TMCO4: variants seen among roughly 807,000 people sequenced by gnomAD.
TMCO4 encodes the protein transmembrane and coiled-coil domains 4.
A neutral mutation model predicts 64.7 loss-of-function variants in TMCO4; 58 were observed. That is an observed-to-expected ratio of 0.90 (90% CI 0.73 to 1.12). The LOEUF (loss-of-function observed/expected upper bound fraction) is 1.12, where lower values mean the gene tolerates loss of function less well. Ranked by LOEUF, TMCO4 falls within the 50% of genes most tolerant of loss-of-function variation. The pLI, the probability that TMCO4 is intolerant of heterozygous loss-of-function variation, is 0.00. For synonymous variants in TMCO4, 325 were observed against 346.1 expected, an observed-to-expected ratio of 0.94 and a Z score of 0.68; for missense variants, 780 against 825.9, an observed-to-expected ratio of 0.94 and a Z score of 0.68.
intron 14 of TMCO4, among the ~76,000 whole-genome samples, chr1:19,699,827 C>T (rs956680970): frequency 1.3e-5 from 2 of 152,222 alleles, no homozygotes; most frequent in Non-Finnish European, 2.9e-5. Flanking sequence ...CACATGTACA[C>T]ATGGACAATC....
chr1:19,733,604 G>T (rs2095439772), intron 13 of TMCO4, among the ~76,000 whole-genome samples: 2 of 152,158 alleles, frequency 1.3e-5, no homozygotes, highest in South Asian at 4.1e-4. Context: ...CAAAATAGGG[G>T]TGCCTGATCC....
Position 19,700,812 on chromosome 1 carries a change from A to G in TMCO4, c.1338T>C (p.Pro446=), listed in dbSNP as rs2095266896. The G allele has an allele frequency of 6.2e-7, 1 of 1,614,236 alleles. No homozygotes were observed. The highest frequency in any genetic ancestry group is 2.2e-5 in the East Asian group (1 of 44,886). The change falls in exon 14 of 16, where the codon CCT becomes CCC. Residue 446 remains proline, a synonymous_variant. Transcript: ENST00000294543. ...TCCTCCCGGACACCACCTTCCGGAA[A>G]GGCTCCCAATGCTTGGCTTCTCCCT... The part of the protein sequence containing the change: ...PVEGEAKHWE[P]FRKVVSGRII...
At chr1:19,730,554 G>A (rs923461910) in intron 13 of TMCO4, among the ~76,000 whole-genome samples, 1 of 152,228 alleles carries the variant, frequency 6.6e-6, no homozygotes, top group Non-Finnish European at 1.5e-5. Context: ...TGCCCTCAAG[G>A]GGCTTGCAGT....
intron 14 of TMCO4, among the ~76,000 whole-genome samples, chr1:19,698,725 TTC>T (rs2100599902): frequency 6.6e-6 from 1 of 152,346 alleles, no homozygotes; most frequent in African/African-American, 2.4e-5. Context: ...TTCTTCTTCC[TTC>T]TCTTTCTCCT....
intron 14 of TMCO4, 28 bp from the exon 15 acceptor site, chr1:19,694,579 C>T: frequency 1.9e-6 from 3 of 1,605,282 alleles, no homozygotes; most frequent in African/African-American, 1.3e-5. Context: ...AGCATGTGAA[C>T]ATTAGCACCA....
At chr1:19,771,721 A>G (rs2042991951) in intron 4 of TMCO4, among the ~76,000 whole-genome samples, 1 of 152,078 alleles carries the variant, frequency 6.6e-6, no homozygotes, top group Non-Finnish European at 1.5e-5. Flanking sequence ...CAGTCGTGCA[A>G]TCTTGGCTCA....
At chr1:19,746,816 C>T (rs555759490) in intron 8 of TMCO4, among the ~76,000 whole-genome samples, 3 of 148,802 alleles carry the variant, frequency 2.0e-5, no homozygotes, top group Non-Finnish European at 3.0e-5. Context: ...CCCAGCTACT[C>T]GGGAGGCTGA....
rs750642876 is a variant in TMCO4, at chr1:19,747,274, G to A, written c.516-14C>T. ...GCCTCGGCCATTCTGAGGGAAAAGA[G>A]GCTGGTCTTTAGGGCCAGCTGTGCC... On this transcript the variant is annotated splice_polypyrimidine_tract_variant and intron_variant, in intron 7 of 15. Transcript: ENST00000294543. 3 of 1,610,858 alleles carry A rather than the reference G, an allele frequency of 1.9e-6. No individual in the cohort carries two copies. The highest frequency in any genetic ancestry group is 2.5e-6 in the Non-Finnish European group (3 of 1,178,728).
At chr1:19,725,103 C>T (rs1006908936) in intron 13 of TMCO4, among the ~76,000 whole-genome samples, 7 of 152,158 alleles carry the variant, frequency 4.6e-5, no homozygotes, top group African/African-American at 1.7e-4. Context: ...CTTGAAGACA[C>T]TAGGAAAAGT....
At chr1:19,755,600 T>G in intron 7 of TMCO4, 34 bp downstream of exon 7, 1 of 1,612,370 alleles carries the variant, frequency 6.2e-7, no homozygotes, top group South Asian at 1.1e-5. Context: ...GTGGAAATCC[T>G]TGGATCCTGA....
chr1:19,683,538 C>G, intron 15 of TMCO4, 94 bp from the exon 16 acceptor site: 1 of 1,434,112 alleles, frequency 7.0e-7, no homozygotes, highest in Non-Finnish European at 9.4e-7. Context: ...CAGCCTTGCC[C>G]TGAGCATCCA....
At chr1:19,712,802 G>C (rs959464710) in intron 13 of TMCO4, among the ~76,000 whole-genome samples, 1 of 152,176 alleles carries the variant, frequency 6.6e-6, no homozygotes, top group Non-Finnish European at 1.5e-5. Flanking sequence ...ATTGGCGTGT[G>C]ACAAACCATC....
chr1:19,696,892 A>C (rs1007795376), intron 14 of TMCO4, among the ~76,000 whole-genome samples: 2 of 152,236 alleles, frequency 1.3e-5, no homozygotes, highest in African/African-American at 4.8e-5. Context: ...ATGGGCCTTC[A>C]CTGGCATTCA....
intron 6 of TMCO4, among the ~76,000 whole-genome samples, chr1:19,767,777 C>T (rs1400156238): frequency 2.0e-5 from 3 of 152,148 alleles, no homozygotes. Context: ...CCTCTCTGGG[C>T]CTCAGTCTCT....
intron 15 of TMCO4, among the ~76,000 whole-genome samples, chr1:19,687,587 G>A (rs951429148): frequency 6.6e-6 from 1 of 152,184 alleles, no homozygotes; most frequent in African/African-American, 2.4e-5. Flanking sequence ...CCATTTGGGA[G>A]CCCAAGATGG....
chr1:19,745,449 AG>A, intron 10 of TMCO4, 82 bp downstream of exon 10: 1 of 1,590,372 alleles, frequency 6.3e-7, no homozygotes, highest in East Asian at 2.2e-5. Context: ...CCTGCTCCCT[AG>A]TGCAGGTAAA....
chr1:19,771,191 T>C, intron 5 of TMCO4, 117 bp downstream of exon 5: 1 of 1,061,136 alleles, frequency 9.4e-7, no homozygotes, highest in Non-Finnish European at 1.4e-6. Context: ...GATATTATGA[T>C]GACATATTTT....
At chr1:19,709,049 G>A (rs1260380301) in intron 13 of TMCO4, among the ~76,000 whole-genome samples, 1 of 152,130 alleles carries the variant, frequency 6.6e-6, no homozygotes, top group Non-Finnish European at 1.5e-5. Flanking sequence ...GTAGAGAGAG[G>A]CCACAGAAGG....
intron 13 of TMCO4, among the ~76,000 whole-genome samples, chr1:19,723,658 G>T (rs1209595474): frequency 1.3e-5 from 2 of 152,218 alleles, no homozygotes; most frequent in Non-Finnish European, 2.9e-5. Flanking sequence ...AATCATCACT[G>T]CGTTTCAGGG....
Sources: allele counts gnomAD v4.1 joint callset (sites outside exome capture counted in the v4.1 genomes callset), GRCh38; gene constraint gnomAD v4.1.1; transcripts MANE v1.5; gene names NCBI Gene and HGNC (gene_info 2026-07-23, HGNC 2026-07-21).